ARID5B: variants seen among roughly 807,000 people sequenced by gnomAD.
The protein encoded by ARID5B is AT-rich interaction domain 5B, also known as AT-rich interactive domain-containing protein 5B.
In ARID5B, 13 loss-of-function variants were observed where a neutral mutation model predicts 97.2. That is an observed-to-expected ratio of 0.13 (90% CI 0.09 to 0.21). ARID5B has a LOEUF of 0.21. ARID5B is among the 10% of genes least tolerant of loss of function. ARID5B has a pLI of 1.00. For synonymous variants in ARID5B, 556 were observed against 570.3 expected, an observed-to-expected ratio of 0.97 and a Z score of 0.36; for missense variants, 1,210 against 1,465.3, an observed-to-expected ratio of 0.83 and a Z score of 2.84.
chr10:61,979,674 G>A (rs1438996417), intron 3 of ARID5B, among the ~76,000 whole-genome samples: 1 of 152,118 alleles, frequency 6.6e-6, no homozygotes, highest in African/African-American at 2.4e-5. Context: ...CTCTATCCAG[G>A]TCTGGCACAA....
In ARID5B at chr10:62,031,562, C is replaced by T. The variant is rs373641435; in HGVS notation, c.734-19326C>T. On this transcript the variant is annotated intron_variant, in intron 4 of 9. Transcript: ENST00000279873. The stretch of plus-strand genomic sequence containing the variant: ...GAACTAACCTCTTCACTGTAGGTAA[C>T]TGACTTATACCATTGGTTGGCTTTC... 3.9e-5 allele frequency among the ~76,000 whole-genome samples: 6 copies of T among 152,192 alleles called. No individual in the cohort carries two copies. The South Asian group carries it at 8.3e-4, about 21-fold the overall frequency.
intron 2 of ARID5B, among the ~76,000 whole-genome samples, chr10:61,910,241 A>G (rs897766357): frequency 1.3e-5 from 2 of 152,252 alleles, no homozygotes; most frequent in Admixed American, 6.5e-5. Context: ...GCCATTGTTC[A>G]TAGTGGCATC....
At chr10:61,921,985 G>T (rs531449919) in intron 2 of ARID5B, among the ~76,000 whole-genome samples, 14 of 152,228 alleles carry the variant, frequency 9.2e-5, no homozygotes, top group African/African-American at 2.6e-4. Context: ...GGGACCACAG[G>T]CGTGCACCAC....
At chr10:62,047,124 T>G (rs1160124637) in intron 4 of ARID5B, among the ~76,000 whole-genome samples, 1 of 152,066 alleles carries the variant, frequency 6.6e-6, no homozygotes, top group East Asian at 1.9e-4. Context: ...CAGTAACCAT[T>G]TGTATGGTCT....
At chr10:62,041,823 T>C (rs2393741) in intron 4 of ARID5B, among the ~76,000 whole-genome samples, 146,887 of 152,336 alleles carry the variant, frequency 0.96, 71,030 homozygotes, top group East Asian at 1. Flanking sequence ...GTCCTGTTTA[T>C]AAATGAGTTT....
At position 62,091,995 on chromosome 10, in the gene ARID5B, C is replaced by G. The variant is rs773289860; in HGVS notation, c.2532C>G (p.Thr844=). The change falls in exon 10 of 10, where the codon ACC becomes ACG. Residue 844 remains threonine, a synonymous_variant. Coordinates refer to ENST00000279873, the MANE Select transcript of ARID5B (RefSeq NM_032199.3). ...SPHLHSLYRH[T]EHHLHNEQTS... ...ATCTCCATAGCCTCTACAGACACAC[C>G]GAGCACCATCTTCATAATGAACAGA... is the stretch of plus-strand genomic sequence containing the variant. 13 of 1,614,016 alleles carry G rather than the reference C, an allele frequency of 8.1e-6. No individual in the cohort carries two copies. Among genetic ancestry groups the G allele is most frequent in the Non-Finnish European group, 1.1e-5 (13 of 1,179,986 alleles).
At chr10:62,036,817 C>T (rs1589268497) in intron 4 of ARID5B, among the ~76,000 whole-genome samples, 1 of 152,106 alleles carries the variant, frequency 6.6e-6, no homozygotes, top group African/African-American at 2.4e-5. Context: ...CACTGGGTGA[C>T]TCTGGGCGAG....
In ARID5B at chr10:61,901,874, T is replaced by C. The variant is rs1843620648; in HGVS notation, c.21+144T>C. On this transcript the variant is annotated intron_variant, in intron 1 of 9. Transcript: ENST00000279873. ...CCCTCTGCATCCCCCAAAATCATTT[T>C]TATTGTTTAAAAAAATCCCTGCACT... 4.0e-6 allele frequency: 3 copies of C among 745,194 alleles called. No homozygotes were observed. In the East Asian group the frequency reaches 8.0e-5, roughly 20 times the overall value. 46.2% of individuals were successfully genotyped at this position (745,194 alleles called of 1,614,324 possible).
intron 7 of ARID5B, among the ~76,000 whole-genome samples, chr10:62,065,627 C>T (rs1272319052): frequency 3.3e-5 from 5 of 151,946 alleles, no homozygotes; most frequent in Admixed American, 2.6e-4. Context: ...GGGCGGATCA[C>T]GAGGTCAGGA....
intron 7 of ARID5B, among the ~76,000 whole-genome samples, chr10:62,064,040 T>A (rs994025836): frequency 6.6e-6 from 1 of 152,172 alleles, no homozygotes; most frequent in Non-Finnish European, 1.5e-5. Flanking sequence ...CAGTGGTGCC[T>A]TCTAAGAATG....
chr10:61,931,215 G>T (rs1844204764), intron 2 of ARID5B, among the ~76,000 whole-genome samples: 1 of 152,050 alleles, frequency 6.6e-6, no homozygotes, highest in African/African-American at 2.4e-5. Flanking sequence ...GTTTATGTAG[G>T]TTATACCTAC....
Position 62,091,785 on chromosome 10 carries a change from G to A in ARID5B, c.2322G>A (p.Lys774=), listed in dbSNP as rs934627417. ...GAAAGACCATCAATGACATCTTTAA[G>A]CATGAGAAACTGAGTCGATCAGATC... ...EERKTINDIF[K]HEKLSRSDPH... is the part of the protein sequence containing the mutation. The change falls in exon 10 of 10, where the codon AAG becomes AAA. Residue 774 remains lysine, a synonymous_variant. Coordinates refer to ENST00000279873, the MANE Select transcript of ARID5B (RefSeq NM_032199.3). 5 of 1,614,082 alleles carry A rather than the reference G, an allele frequency of 3.1e-6. No homozygotes were observed. The highest frequency in any genetic ancestry group is 4.2e-6 in the Non-Finnish European group (5 of 1,180,008).
At chr10:61,934,296 A>C (rs1210684512) in intron 2 of ARID5B, among the ~76,000 whole-genome samples, 1 of 152,216 alleles carries the variant, frequency 6.6e-6, no homozygotes, top group Non-Finnish European at 1.5e-5. Flanking sequence ...TCTCCATATC[A>C]GCAGTAAGTC....
Position 62,020,983 on chromosome 10 carries a change from A to G in ARID5B, c.733+20662A>G, listed in dbSNP as rs565211595. Among the ~76,000 whole-genome samples the G allele has an allele frequency of 4.1e-5, 6 of 147,546 alleles. No homozygotes were observed. In the Admixed American group the frequency reaches 4.1e-4, roughly 10 times the overall value. ...TGACTGTGGGACTGTGATGCTTGTT[A>G]ATGAGCATTTGTGGCAGTGCACTGG... On this transcript the variant is annotated intron_variant, in intron 4 of 9. Transcript: ENST00000279873.
At chr10:62,067,194 C>T (rs759280392) in intron 7 of ARID5B, among the ~76,000 whole-genome samples, 2 of 152,146 alleles carry the variant, frequency 1.3e-5, no homozygotes, top group African/African-American at 2.4e-5. Context: ...AAGCAATTCT[C>T]CTGCCTCAGC....
At chr10:62,008,983 C>T (rs1839182455) in intron 4 of ARID5B, among the ~76,000 whole-genome samples, 1 of 152,212 alleles carries the variant, frequency 6.6e-6, no homozygotes, top group South Asian at 2.1e-4. Context: ...AGCTTTCCTG[C>T]TTCTGTCACT....
chr10:62,058,052 G>A lies in ARID5B; in HGVS notation c.1048+734G>A, dbSNP rs140078543. On this transcript the variant is annotated intron_variant, in intron 6 of 9. Transcript: ENST00000279873. ...TAGTATTTTCTCCAAATGTATCTTC[G>A]TAGATTAAAACCATGTGTCATTTTG... Among the ~76,000 whole-genome samples the A allele has an allele frequency of 1.2e-4, 19 of 152,264 alleles. No individual in the cohort carries two copies. The East Asian group carries it at 3.1e-3, about 25-fold the overall frequency.
intron 3 of ARID5B, among the ~76,000 whole-genome samples, chr10:61,952,810 C>G (rs186377385): frequency 6.6e-6 from 1 of 151,838 alleles, no homozygotes; most frequent in Non-Finnish European, 1.5e-5. Flanking sequence ...TTGAAGCTAT[C>G]CTGCTAGCCT....
chr10:61,948,380 ATTTTTTTT>A (rs71470784), intron 3 of ARID5B, among the ~76,000 whole-genome samples: 1 of 86,222 alleles, frequency 1.2e-5, no homozygotes, highest in Non-Finnish European at 2.2e-5. Flanking sequence ...ACTTTAGGTA[ATTTTTTTT>A]TTTTTTTTTT....
Sources: allele counts gnomAD v4.1 joint callset (sites outside exome capture counted in the v4.1 genomes callset), GRCh38; gene constraint gnomAD v4.1.1; transcripts MANE v1.5; gene names NCBI Gene and HGNC (gene_info 2026-07-23, HGNC 2026-07-21).